LINC00632: variants seen among roughly 807,000 people sequenced by gnomAD.
LINC00632 encodes long independently transcribed non-coding RNA 632.
At chrX:140,786,798 TTAAG>T (rs1221973620) in exon 5 of LINC00632, among the ~76,000 whole-genome samples, 2 of 111,852 alleles carry the variant, frequency 1.8e-5, no homozygotes, top group Non-Finnish European at 3.8e-5. Flanking sequence ...CAGGGAATGA[TTAAG>T]TAAATGTGCC....
Position 140,713,944 on chromosome X carries a change from T to C in LINC00632, n.104+2288T>C, listed in dbSNP as rs917555595. Reference sequence around the variant, plus strand: ...ACACACAGCATACAGACTTACCCCATAGAACACGGCTTCCCCGACAAGCAC... The same window carrying C: ...ACACACAGCATACAGACTTACCCCACAGAACACGGCTTCCCCGACAAGCAC... On this transcript the variant is annotated intron_variant and non_coding_transcript_variant, in intron 2 of 4. Transcript: ENST00000648200. 4.3e-5 allele frequency: 11 copies of C among 257,118 alleles called. No individual in the cohort carries two copies. In the Admixed American group the frequency reaches 5.2e-4, roughly 12 times the overall value. The allele number at this position is 257,118 out of a possible 1,213,427, so 21.2% of individuals were successfully genotyped here.
intron 3 of LINC00632, among the ~76,000 whole-genome samples, chrX:140,759,966 CT>C (rs1161729524): frequency 8.9e-6 from 1 of 111,830 alleles, no homozygotes; most frequent in African/African-American, 3.3e-5. Context: ...AGGCTTGACT[CT>C]TTTTTTCATT....
intron 1 of LINC00632, among the ~76,000 whole-genome samples, chrX:140,710,811 C>T (rs1272117148): frequency 9.0e-6 from 1 of 110,992 alleles, no homozygotes; most frequent in Non-Finnish European, 1.9e-5. Flanking sequence ...AAAGAAAGTC[C>T]TCAAGATGGG....
At chrX:140,724,195 CAG>C (rs1312687465) in intron 2 of LINC00632, among the ~76,000 whole-genome samples, 1 of 56,999 alleles carries the variant, frequency 1.8e-5, no homozygotes, top group Non-Finnish European at 3.7e-5. Flanking sequence ...TCTGTACACA[CAG>C]ACACACATTC....
intron 3 of LINC00632, among the ~76,000 whole-genome samples, chrX:140,744,259 C>A (rs1931286848): frequency 9.1e-6 from 1 of 110,445 alleles, no homozygotes; most frequent in Non-Finnish European, 1.9e-5. Context: ...GAGTCACAAT[C>A]TAGATCAGTT....
intron 3 of LINC00632, among the ~76,000 whole-genome samples, chrX:140,739,505 G>A (rs1430646348): frequency 9.0e-6 from 1 of 111,107 alleles, no homozygotes. Context: ...ACAGCCGTAA[G>A]CCGCCACCCC....
intron 2 of LINC00632, among the ~76,000 whole-genome samples, chrX:140,725,828 C>G (rs1172849139): frequency 8.9e-6 from 1 of 111,838 alleles, no homozygotes; most frequent in African/African-American, 3.3e-5. Context: ...GTCTTCATAA[C>G]ATGAAGGCTT....
At chrX:140,736,474 G>T (rs1219921068) in intron 3 of LINC00632, among the ~76,000 whole-genome samples, 10 of 74,335 alleles carry the variant, frequency 1.3e-4, no homozygotes, top group Non-Finnish European at 1.9e-4. Flanking sequence ...GACTCGTTCT[G>T]TTGCCAGCCT....
At chrX:140,737,102 G>A (rs1450958137) in intron 3 of LINC00632, among the ~76,000 whole-genome samples, 3 of 107,993 alleles carry the variant, frequency 2.8e-5, no homozygotes, top group African/African-American at 1.0e-4. Flanking sequence ...GTTTCACCAT[G>A]TTGCCCAGGC....
chrX:140,748,842 ATATT>A (rs1231194241), intron 3 of LINC00632, among the ~76,000 whole-genome samples: 1 of 96,623 alleles, frequency 1.0e-5, no homozygotes, highest in Admixed American at 1.3e-4. Flanking sequence ...TATGATATAT[ATATT>A]TTATATATAT....
At chrX:140,713,461 A>G in intron 2 of LINC00632, 1 of 320,634 alleles carries the variant, frequency 3.1e-6, no homozygotes. Flanking sequence ...GCATGTTTAG[A>G]ACAGTGTCTG....
At chrX:140,727,053 CAG>C (rs1340790995) in intron 2 of LINC00632, among the ~76,000 whole-genome samples, 1 of 110,781 alleles carries the variant, frequency 9.0e-6, no homozygotes, top group East Asian at 2.9e-4. Context: ...TCCCACAATG[CAG>C]AGACTTACCC....
At chrX:140,776,238 C>T (rs1053323819) in exon 5 of LINC00632, among the ~76,000 whole-genome samples, 12 of 107,493 alleles carry the variant, frequency 1.1e-4, no homozygotes, top group African/African-American at 4.0e-4. Flanking sequence ...GACTGGGATC[C>T]GGTGCGGAGA....
At chrX:140,725,610 A>G (rs1227749988) in intron 2 of LINC00632, among the ~76,000 whole-genome samples, 1 of 111,785 alleles carries the variant, frequency 8.9e-6, no homozygotes, top group Non-Finnish European at 1.9e-5. Context: ...CTTGACTCAC[A>G]ACACACATGA....
At chrX:140,772,868 A>T (rs918385971) in exon 4 of LINC00632, among the ~76,000 whole-genome samples, 4 of 112,339 alleles carry the variant, frequency 3.6e-5, no homozygotes, top group African/African-American at 1.3e-4. Flanking sequence ...TTAAATTTCA[A>T]TCTGGATGGA....
intron 2 of LINC00632, among the ~76,000 whole-genome samples, chrX:140,724,121 C>T (rs1930844992): frequency 1.1e-5 from 1 of 93,276 alleles, no homozygotes; most frequent in Non-Finnish European, 2.2e-5. Context: ...TACACACACA[C>T]ATTCCATACA....
chrX:140,740,263 G>A (rs767071094), intron 3 of LINC00632, among the ~76,000 whole-genome samples: 1 of 111,921 alleles, frequency 8.9e-6, no homozygotes, highest in Admixed American at 9.5e-5. Flanking sequence ...GACAGATGGA[G>A]TTCTCCTCGT....
exon 5 of LINC00632, among the ~76,000 whole-genome samples, chrX:140,786,935 T>C (rs917440457): frequency 1.8e-5 from 2 of 111,984 alleles, no homozygotes; most frequent in African/African-American, 6.5e-5. Context: ...TTAAAATATA[T>C]AATCAGTGAC....
exon 5 of LINC00632, among the ~76,000 whole-genome samples, chrX:140,782,186 A>G (rs1931943354): frequency 9.0e-6 from 1 of 110,814 alleles, no homozygotes; most frequent in Non-Finnish European, 1.9e-5. Flanking sequence ...TAGTCTCATG[A>G]TGTCTTTTAA....
Sources: allele counts gnomAD v4.1 joint callset (sites outside exome capture counted in the v4.1 genomes callset), GRCh38; gene constraint gnomAD v4.1.1; transcripts MANE v1.5; gene names NCBI Gene and HGNC (gene_info 2026-07-23, HGNC 2026-07-21).